The following SCG3 variants were observed in gnomAD, a reference collection of about 807,000 sequenced individuals.
SCG3 encodes the protein secretogranin III.
SCG3 carries 38 observed loss-of-function variants against 56.2 expected under a neutral mutation model. The observed-to-expected ratio is 0.68, with a 90% CI of 0.52 to 0.89. SCG3 has a LOEUF of 0.89. Ranked by LOEUF, SCG3 falls within the 40% of genes least tolerant of loss-of-function variation. The pLI is 0.00. For missense variants in SCG3, 524 were observed against 540.7 expected (o/e 0.97, Z 0.31); for synonymous variants, 176 against 184.2 (o/e 0.96, Z 0.36).
chr15:51,690,536 T>TA (rs1567217275), intron 6 of SCG3, among the ~76,000 whole-genome samples: 1 of 151,704 alleles, frequency 6.6e-6, no homozygotes, highest in African/African-American at 2.4e-5. Context: ...TTTTTTTTTT[T>TA]ACTGGATAGC....
At chr15:51,691,772 T>C (rs2055268374) in intron 6 of SCG3, among the ~76,000 whole-genome samples, 1 of 152,180 alleles carries the variant, frequency 6.6e-6, no homozygotes, top group Non-Finnish European at 1.5e-5. Context: ...CTTTCCTGTA[T>C]CCTGGCACCA....
intron 10 of SCG3, among the ~76,000 whole-genome samples, chr15:51,710,833 C>T (rs1292368201): frequency 7.0e-6 from 1 of 142,964 alleles, no homozygotes; most frequent in Non-Finnish European, 1.5e-5. Flanking sequence ...TAGGTTCAAG[C>T]GATCTGCCCA....
intron 11 of SCG3, among the ~76,000 whole-genome samples, chr15:51,715,620 T>A (rs184901046): frequency 8.1e-4 from 123 of 152,232 alleles, no homozygotes; most frequent in Non-Finnish European, 1.4e-3. Context: ...CTTACAACCT[T>A]AAAACTTCTT....
intron 11 of SCG3, among the ~76,000 whole-genome samples, chr15:51,714,115 G>A (rs749881981): frequency 7.9e-5 from 12 of 152,220 alleles, no homozygotes; most frequent in Non-Finnish European, 1.6e-4. Flanking sequence ...GGACAAAACA[G>A]AGGGGTGGTT....
In SCG3 at chr15:51,716,047, T is replaced by C. The variant is rs550428689; in HGVS notation, c.1288+2634T>C. Among the ~76,000 whole-genome samples, 145 of 152,266 alleles carry C rather than the reference T, an allele frequency of 9.5e-4. 1 individual carries two copies. The highest frequency in any genetic ancestry group is 1.1e-3 in the Admixed American group (17 of 15,296). Reference sequence around the variant, plus strand: ...TAATTTTTCTTATTTTTAGTTGACATGGGGTTTCACCGTGTTAGCCTGGAT... The same window carrying C: ...TAATTTTTCTTATTTTTAGTTGACACGGGGTTTCACCGTGTTAGCCTGGAT... On this transcript the variant is annotated intron_variant, in intron 11 of 11. Coordinates refer to ENST00000220478, the MANE Select transcript of SCG3 (RefSeq NM_013243.4).
At chr15:51,715,054 T>C (rs2055445023) in intron 11 of SCG3, 1 of 152,250 alleles carries the variant, frequency 6.6e-6, no homozygotes, top group South Asian at 2.1e-4. Flanking sequence ...ATAAATTGTA[T>C]GGTACATCAA....
chr15:51,683,335 GATA>G lies in SCG3; in HGVS notation c.303_305del (p.Asn101del). ...ACAATCTATAAGAAGCTCCCCACTTGATAATAAGTTGAATGTGGAAGATGTTGA... is the reference window on the plus strand; with the variant it reads ...ACAATCTATAAGAAGCTCCCCACTTGATAAGTTGAATGTGGAAGATGTTGA... On this transcript the variant is annotated inframe_deletion, in exon 4 of 12. Transcript: ENST00000220478. 6.2e-7 allele frequency: 1 copy of G among 1,613,340 alleles called. No homozygotes were observed. The highest frequency in any genetic ancestry group is 1.1e-5 in the South Asian group (1 of 91,056).
chr15:51,708,225 A>G (rs1016079514), intron 10 of SCG3: 1 of 152,220 alleles, frequency 6.6e-6, no homozygotes, highest in African/African-American at 2.4e-5. Flanking sequence ...GTCGACTCTC[A>G]TAAGGCTTTC....
At chr15:51,690,036 G>A (rs1289040832) in intron 6 of SCG3, among the ~76,000 whole-genome samples, 1 of 152,034 alleles carries the variant, frequency 6.6e-6, no homozygotes, top group African/African-American at 2.4e-5. Context: ...AGTTCTTTTG[G>A]TATCCAACAT....
intron 8 of SCG3, among the ~76,000 whole-genome samples, chr15:51,696,423 C>G (rs2055304006): frequency 1.3e-5 from 2 of 152,004 alleles, no homozygotes; most frequent in Non-Finnish European, 2.9e-5. Context: ...GGTGGTGCAT[C>G]CCTGTAGTTC....
intron 6 of SCG3, 65 bp from the exon 7 acceptor site, chr15:51,692,094 A>G: frequency 6.9e-7 from 1 of 1,455,120 alleles, no homozygotes; most frequent in Admixed American, 2.1e-5. Context: ...AAAGGAAGGA[A>G]TCAAGCTGGA....
Position 51,701,221 on chromosome 15 carries a change from G to A in SCG3, c.1184G>A (p.Gly395Glu), listed in dbSNP as rs2055337645. The A allele has an allele frequency of 1.9e-6, 3 of 1,604,300 alleles. No individual in the cohort carries two copies. The African/African-American group carries it at 4.0e-5, about 22-fold the overall frequency. The change falls in exon 10 of 12, where the codon GGA (glycine) becomes GAA (glutamate). Residue 395 changes from glycine to glutamate, a missense_variant. Gly to Glu is a moderately conservative substitution (Grantham distance 98). Transcript: ENST00000220478. ...DSTKDDNSNP[G>E]GKTDEPKGKT... ...ACAAAAGATGATAACTCCAACCCAG[G>A]AGGAAAGACAGATGAACCCAAAGGT...
chr15:51,704,228 TATAC>T (rs71458464), intron 10 of SCG3, among the ~76,000 whole-genome samples: 1,057 of 103,214 alleles, frequency 0.01, 12 homozygotes, highest in Middle Eastern at 0.02. Flanking sequence ...TATATGTGTG[TATAC>T]ATACATACAT....
At chr15:51,697,525 C>T (rs1024484017) in intron 8 of SCG3, among the ~76,000 whole-genome samples, 1 of 152,186 alleles carries the variant, frequency 6.6e-6, no homozygotes, top group African/African-American at 2.4e-5. Flanking sequence ...CCAGTTGCCA[C>T]ATGTAGCTAG....
chr15:51,717,112 G>GTAA (rs761672090), intron 11 of SCG3, among the ~76,000 whole-genome samples: 1 of 152,128 alleles, frequency 6.6e-6, no homozygotes, highest in Non-Finnish European at 1.5e-5. Flanking sequence ...GTTCACACCT[G>GTAA]TAATCCCAGC....
chr15:51,703,796 T>C (rs931243489), intron 10 of SCG3, among the ~76,000 whole-genome samples: 14 of 152,226 alleles, frequency 9.2e-5, no homozygotes, highest in African/African-American at 2.9e-4. Context: ...TTCCTTAATG[T>C]ATCAAGTTTC....
At chr15:51,683,700 AT>A (rs1388874833) in intron 4 of SCG3, among the ~76,000 whole-genome samples, 1 of 151,992 alleles carries the variant, frequency 6.6e-6, no homozygotes, top group Non-Finnish European at 1.5e-5. Context: ...TATTAAATTC[AT>A]TTGAACATTC....
chr15:51,719,618 C>A lies in SCG3; in HGVS notation c.*92C>A. 1.1e-6 allele frequency: 1 copy of A among 898,092 alleles called. No homozygotes were observed. The highest frequency in any genetic ancestry group is 1.7e-6 in the Non-Finnish European group (1 of 581,396). 55.6% of individuals were successfully genotyped at this position (898,092 alleles called of 1,614,324 possible). A position where few individuals can be genotyped will look rare whatever the true frequency, so the allele number is the denominator to read the frequency against. ...AATTCTGTGATTAAAATTTTTTGAC[C>A]CAAGGGTTATTAGAAAGTGCTGAAT... is the stretch of plus-strand genomic sequence containing the variant. On this transcript the variant is annotated 3_prime_UTR_variant, in exon 12 of 12. Coordinates refer to ENST00000220478, the MANE Select transcript of SCG3 (RefSeq NM_013243.4).
chr15:51,719,148 G>A (rs938848354), intron 11 of SCG3, among the ~76,000 whole-genome samples: 5 of 152,184 alleles, frequency 3.3e-5, no homozygotes, highest in African/African-American at 1.2e-4. Context: ...CCTATTTCCT[G>A]TTTGGTCAAA....
Sources: allele counts gnomAD v4.1 joint callset (sites outside exome capture counted in the v4.1 genomes callset), GRCh38; gene constraint gnomAD v4.1.1; transcripts MANE v1.5; gene names NCBI Gene and HGNC (gene_info 2026-07-23, HGNC 2026-07-21).